RECK: variants seen among roughly 807,000 people sequenced by gnomAD.
The protein encoded by RECK is reversion-inducing cysteine-rich protein with Kazal motifs.
A neutral mutation model predicts 115.1 loss-of-function variants in RECK; 69 were observed. That is an observed-to-expected ratio of 0.60 (90% CI 0.49 to 0.73). RECK has a LOEUF of 0.73. Among genes scored for constraint, RECK ranks in the 30% least tolerant of loss-of-function variants. The pLI is 0.00. For synonymous variants in RECK, 414 were observed against 419.7 expected (o/e 0.99, Z 0.17); for missense variants, 1,047 against 1,203.7 (o/e 0.87, Z 1.93).
At chr9:36,115,955 C>T (rs1386431826) in intron 16 of RECK, among the ~76,000 whole-genome samples, 1 of 151,948 alleles carries the variant, frequency 6.6e-6, no homozygotes, top group East Asian at 1.9e-4. Context: ...AATCATCATC[C>T]CTAGCCCCTC....
Position 36,080,653 on chromosome 9 carries a change from C to G in RECK, c.439+15C>G. Reference sequence around the variant, plus strand: ...CAGAAATGAAAGTAAGTATATTTGTCAATGGTTGTACAAACAGTCCAAAGA... The same window carrying G: ...CAGAAATGAAAGTAAGTATATTTGTGAATGGTTGTACAAACAGTCCAAAGA... On this transcript the variant is annotated intron_variant, in intron 7 of 20. Coordinates refer to ENST00000377966, the MANE Select transcript of RECK (RefSeq NM_021111.3). 6.2e-7 allele frequency: 1 copy of G among 1,608,032 alleles called. No homozygotes were observed.
rs2274520 is a variant in RECK, at chr9:36,107,972, A to G, written c.1577-4A>G. On this transcript the variant is annotated splice_region_variant and splice_polypyrimidine_tract_variant and intron_variant, in intron 13 of 20. Coordinates refer to ENST00000377966, the MANE Select transcript of RECK (RefSeq NM_021111.3). ...TCTCTCTCAGCTAATTTTTGCTTGT[A>G]CAGGTTGCAAACTGGGAGAAGCTTC... The G allele has an allele frequency of 2.8e-5, 45 of 1,607,666 alleles. No individual in the cohort carries two copies. In the East Asian group the frequency reaches 5.4e-4, roughly 19 times the overall value.
chr9:36,103,309 G>A (rs1823634399), intron 12 of RECK, among the ~76,000 whole-genome samples: 1 of 152,226 alleles, frequency 6.6e-6, no homozygotes. Flanking sequence ...AGTAAAGAAA[G>A]CCCAGAAACA....
At chr9:36,050,307 C>G (rs1025030710) in intron 1 of RECK, among the ~76,000 whole-genome samples, 1 of 152,134 alleles carries the variant, frequency 6.6e-6, no homozygotes, top group African/African-American at 2.4e-5. Context: ...AATGGTATTT[C>G]TAGATATTTC....
intron 10 of RECK, among the ~76,000 whole-genome samples, chr9:36,095,274 C>T (rs1823294697): frequency 6.6e-6 from 1 of 152,098 alleles, no homozygotes; most frequent in Non-Finnish European, 1.5e-5. Context: ...TCCTTAAAAA[C>T]CAAAACTAAC....
intron 7 of RECK, among the ~76,000 whole-genome samples, chr9:36,082,331 A>G (rs144563735): frequency 9.7e-4 from 148 of 152,090 alleles, no homozygotes; most frequent in African/African-American, 3.5e-3. Context: ...CCACAGGCAC[A>G]TGCCACTGCA....
At chr9:36,089,725 G>C (rs1042634321) in intron 9 of RECK, among the ~76,000 whole-genome samples, 1 of 152,090 alleles carries the variant, frequency 6.6e-6, no homozygotes, top group Non-Finnish European at 1.5e-5. Context: ...GTCGTGTTTA[G>C]ACTTGGGTCC....
intron 10 of RECK, among the ~76,000 whole-genome samples, chr9:36,097,502 G>A (rs1001015756): frequency 2.6e-5 from 4 of 152,018 alleles, no homozygotes; most frequent in African/African-American, 9.7e-5. Flanking sequence ...TGTTAAAATG[G>A]CTATTATCAA....
chr9:36,050,928 C>T (rs1288074640), intron 1 of RECK, among the ~76,000 whole-genome samples: 2 of 152,088 alleles, frequency 1.3e-5, no homozygotes, highest in Non-Finnish European at 2.9e-5. Flanking sequence ...ACACACACAT[C>T]CTCCTTACTC....
In RECK at chr9:36,062,160, C is replaced by CTTTT. The variant is rs770648750; in HGVS notation, c.272-1620_272-1617dup. On this transcript the variant is annotated intron_variant, in intron 4 of 20. Transcript: ENST00000377966. ...TCATAATTATTTCTTGCATCTCCTA[C>CTTTT]TTTTTTTTTTTTTTTTTTGAGATGG... Among the ~76,000 whole-genome samples the CTTTT allele has an allele frequency of 6.8e-5, 9 of 131,942 alleles. No homozygotes were observed. The South Asian group carries it at 9.8e-4, about 14-fold the overall frequency. 86.6% of individuals were successfully genotyped at this position (131,942 alleles called of 152,430 possible).
chr9:36,107,147 C>G (rs1823852317), intron 13 of RECK, among the ~76,000 whole-genome samples: 1 of 148,644 alleles, frequency 6.7e-6, no homozygotes, highest in Non-Finnish European at 1.5e-5. Flanking sequence ...TCAGAATCCT[C>G]TTGTTTCATT....
intron 4 of RECK, among the ~76,000 whole-genome samples, chr9:36,063,244 A>T (rs1489977344): frequency 6.6e-6 from 1 of 152,194 alleles, no homozygotes. Context: ...ATACATGGTC[A>T]TTTTGCCCCA....
chr9:36,052,604 ACTGT>A (rs1178763725), intron 2 of RECK, among the ~76,000 whole-genome samples: 3 of 152,224 alleles, frequency 2.0e-5, no homozygotes, highest in Non-Finnish European at 2.9e-5. Context: ...GGGCAAAGTG[ACTGT>A]CTGCTGACAT....
intron 8 of RECK, chr9:36,085,996 GT>G (rs1350372991): frequency 2.0e-5 from 3 of 151,998 alleles, no homozygotes; most frequent in Non-Finnish European, 2.9e-5. Flanking sequence ...GGTTTTAAGG[GT>G]AGAACAACCG....
intron 2 of RECK, among the ~76,000 whole-genome samples, chr9:36,055,384 T>A (rs1821485052): frequency 6.6e-6 from 1 of 152,144 alleles, no homozygotes; most frequent in South Asian, 2.1e-4. Context: ...CAATAGATTA[T>A]CTAACTTTTT....
chr9:36,078,547 C>T (rs1229740874), intron 6 of RECK, among the ~76,000 whole-genome samples: 1 of 152,144 alleles, frequency 6.6e-6, no homozygotes, highest in Admixed American at 6.5e-5. Context: ...GTAGCACTCC[C>T]CACCCCTCAG....
At chr9:36,038,649 G>A (rs1418807888) in intron 1 of RECK, among the ~76,000 whole-genome samples, 1 of 152,100 alleles carries the variant, frequency 6.6e-6, no homozygotes, top group African/African-American at 2.4e-5. Flanking sequence ...TGAGAATCGA[G>A]GTAATACATG....
intron 6 of RECK, among the ~76,000 whole-genome samples, chr9:36,076,490 G>T (rs1351631673): frequency 6.6e-6 from 1 of 152,044 alleles, no homozygotes; most frequent in African/African-American, 2.4e-5. Flanking sequence ...TGCCAGGTTT[G>T]CCCACAGTTC....
chr9:36,118,029 A>C (rs989428668), intron 17 of RECK, among the ~76,000 whole-genome samples: 2 of 152,134 alleles, frequency 1.3e-5, no homozygotes, highest in Non-Finnish European at 2.9e-5. Flanking sequence ...TCTCACATGC[A>C]CCACTGATTT....
Sources: allele counts gnomAD v4.1 joint callset (sites outside exome capture counted in the v4.1 genomes callset), GRCh38; gene constraint gnomAD v4.1.1; transcripts MANE v1.5; gene names NCBI Gene and HGNC (gene_info 2026-07-23, HGNC 2026-07-21).